VIRMA: variants seen among roughly 807,000 people sequenced by gnomAD.
VIRMA encodes protein virilizer homolog.
In VIRMA, 65 loss-of-function variants were observed where a neutral mutation model predicts 182.4. That is an observed-to-expected ratio of 0.36 (90% CI 0.29 to 0.44). VIRMA has a LOEUF of 0.44. Ranked by LOEUF, VIRMA falls within the 20% of genes least tolerant of loss-of-function variation. The pLI is 1.00. For missense variants in VIRMA, 1,752 were observed against 2,158.1 expected (o/e 0.81, Z 3.73); for synonymous variants, 709 against 743.1 (o/e 0.95, Z 0.75).
intron 15 of VIRMA, among the ~76,000 whole-genome samples, chr8:94,507,689 G>C (rs1814207216): frequency 6.6e-6 from 1 of 151,864 alleles, no homozygotes; most frequent in Non-Finnish European, 1.5e-5. Context: ...AGGAGGCGGA[G>C]GTTGCACTGA....
Position 94,519,189 on chromosome 8 carries a change from C to T in VIRMA, c.2309G>A (p.Cys770Tyr). The T allele has an allele frequency of 6.2e-7, 1 of 1,614,116 alleles. No homozygotes were observed. The highest frequency in any genetic ancestry group is 1.6e-4 in the Middle Eastern group (1 of 6,062). Residue 770 changes from cysteine to tyrosine, a missense_variant, in exon 9 of 24, where the codon TGT becomes TAT. Around this residue, in one of 11 missense-constraint regions of VIRMA, gnomAD observed 45 missense variants for 91.0 expected, o/e 0.49. Transcript: ENST00000297591. The stretch of plus-strand genomic sequence containing the variant: ...AAAATGGCTGAACAGTTCTGTAATA[C>T]ATTGCAATGTCTGTGTTGAGTCCTG... ...WLQDSTQTLQ[C>Y]ITELFSHFQR...
intron 23 of VIRMA, 120 bp downstream of exon 23, chr8:94,489,819 T>C (rs1166134306): frequency 1.8e-6 from 2 of 1,084,400 alleles, no homozygotes; most frequent in East Asian, 2.4e-5. Context: ...TTTTTGACTG[T>C]GTGGAGCAAG....
At chr8:94,540,652 G>A (rs963825154) in intron 2 of VIRMA, among the ~76,000 whole-genome samples, 1 of 151,602 alleles carries the variant, frequency 6.6e-6, no homozygotes, top group African/African-American at 2.4e-5. Flanking sequence ...AGTAGAGGCG[G>A]GGTTTCACTA....
At chr8:94,530,892 C>T (rs1465549401) in intron 6 of VIRMA, 71 bp downstream of exon 6, 2 of 1,525,558 alleles carry the variant, frequency 1.3e-6, no homozygotes, top group Non-Finnish European at 1.8e-6. Context: ...CAGAGTGAGA[C>T]CATCTCAAAA....
Position 94,511,602 on chromosome 8 carries a change from G to T in VIRMA, c.2973C>A (p.Val991=). 2 of 1,614,104 alleles carry T rather than the reference G, an allele frequency of 1.2e-6. No homozygotes were observed. The highest frequency in any genetic ancestry group is 2.2e-5 in the South Asian group (2 of 91,080). ...CTCTGTGAAGGGTAGTCCCCATGTT[G>T]ACATGGAGCCTCCAAGGCTGAGTCA... is the stretch of plus-strand genomic sequence containing the variant. ...SILTQPWRLH[V]NMGTTLHRVT... Residue 991 remains valine, a synonymous_variant, in exon 13 of 24, where the codon GTC becomes GTA. Coordinates refer to ENST00000297591, the MANE Select transcript of VIRMA (RefSeq NM_015496.5).
intron 16 of VIRMA, among the ~76,000 whole-genome samples, chr8:94,505,494 A>G (rs769124300): frequency 6.6e-6 from 1 of 151,496 alleles, no homozygotes; most frequent in Non-Finnish European, 1.5e-5. Flanking sequence ...TTTTTTTGAG[A>G]CAAGGTCTCC....
At chr8:94,502,400 A>T (rs902291096) in intron 16 of VIRMA, among the ~76,000 whole-genome samples, 1 of 151,622 alleles carries the variant, frequency 6.6e-6, no homozygotes, top group African/African-American at 2.4e-5. Flanking sequence ...TCTCAAAAAC[A>T]TATATATAAA....
intron 11 of VIRMA, among the ~76,000 whole-genome samples, chr8:94,513,967 A>G (rs914513287): frequency 1.3e-5 from 2 of 152,250 alleles, no homozygotes; most frequent in African/African-American, 2.4e-5. Flanking sequence ...TCTGAAGCAG[A>G]TAAACCCAAA....
intron 21 of VIRMA, among the ~76,000 whole-genome samples, 195 bp downstream of exon 21, chr8:94,492,457 T>A (rs1004376368): frequency 5.3e-5 from 8 of 150,966 alleles, no homozygotes; most frequent in African/African-American, 2.0e-4. Flanking sequence ...CTAATTTTTT[T>A]TTTTTTATTT....
intron 1 of VIRMA, among the ~76,000 whole-genome samples, chr8:94,552,364 T>C (rs993228917): frequency 2.6e-5 from 4 of 152,226 alleles, no homozygotes; most frequent in Non-Finnish European, 5.9e-5. Context: ...ACATTTTCCA[T>C]TCAAATATTT....
In VIRMA at chr8:94,529,181, C is replaced by G; in HGVS notation, c.769G>C (p.Val257Leu). 7.0e-7 allele frequency: 1 copy of G among 1,426,654 alleles called. No homozygotes were observed. Among genetic ancestry groups the G allele is most frequent in the Non-Finnish European group, 9.9e-7 (1 of 1,009,544 alleles). The allele number at this position is 1,426,654 out of a possible 1,614,324, so 88.4% of individuals were successfully genotyped here. ...EGEEDEDDVD[V>L]EEEEDEDEDD... ...TCATCCTCATCCTCTTCTTCCTCTACATCCACATCATCTTCATCTTCTTCT... is the reference window on the plus strand; with the variant it reads ...TCATCCTCATCCTCTTCTTCCTCTAGATCCACATCATCTTCATCTTCTTCT... The change falls in exon 7 of 24, where the codon GTA (valine) becomes CTA (leucine). Residue 257 changes from valine (V) to leucine (L), a missense_variant. Coordinates refer to ENST00000297591, the MANE Select transcript of VIRMA (RefSeq NM_015496.5).
chr8:94,531,317 T>C (rs1815165347), intron 5 of VIRMA, among the ~76,000 whole-genome samples: 1 of 152,198 alleles, frequency 6.6e-6, no homozygotes, highest in South Asian at 2.1e-4. Context: ...GATTTGTGTA[T>C]ACACAGGCAG....
rs904951092 is a variant in VIRMA at position 94,550,385 on chromosome 8, C to T, written c.63+3000G>A. On this transcript the variant is annotated intron_variant, in intron 1 of 23. Transcript: ENST00000297591. ...TCGGCTCACTGCAAGCTCTGCCTCC[C>T]GGGTTCACGCCATTCTCCGGCCTCA... Among the ~76,000 whole-genome samples the T allele has an allele frequency of 1.1e-4, 16 of 152,022 alleles. No individual in the cohort carries two copies. The South Asian group carries it at 1.5e-3, about 14-fold the overall frequency.
chr8:94,524,573 G>A (rs1352413837), intron 8 of VIRMA, among the ~76,000 whole-genome samples: 1 of 152,108 alleles, frequency 6.6e-6, no homozygotes, highest in Non-Finnish European at 1.5e-5. Context: ...CCAAAGTGCT[G>A]GGATTACAGG....
intron 4 of VIRMA, among the ~76,000 whole-genome samples, chr8:94,535,842 C>G (rs988674496): frequency 4.0e-5 from 6 of 151,318 alleles, no homozygotes; most frequent in Non-Finnish European, 7.4e-5. Flanking sequence ...TGCAAAGAAA[C>G]TTTCTCCTAA....
chr8:94,521,218 T>G (rs938846405), intron 8 of VIRMA, among the ~76,000 whole-genome samples: 1 of 152,074 alleles, frequency 6.6e-6, no homozygotes, highest in Non-Finnish European at 1.5e-5. Context: ...CTGTTCTCCT[T>G]CAACAGGCCC....
rs1328744267 is a variant in VIRMA at position 94,492,820 on chromosome 8, T to C, written c.4642-2A>G. The C allele has an allele frequency of 1.0e-5, 16 of 1,606,914 alleles. No homozygotes were observed. Among genetic ancestry groups the C allele is most frequent in the Non-Finnish European group, 1.2e-5 (14 of 1,175,164 alleles). On this transcript the variant is annotated splice_acceptor_variant, in intron 20 of 23. Transcript: ENST00000297591. LOFTEE classifies it high-confidence loss of function. ...GAGTTCAATTAAGTCAACCTTTACC[T>C]GCAGTCATAATAATGAAACAAAACA...
intron 6 of VIRMA, among the ~76,000 whole-genome samples, chr8:94,530,171 G>A (rs1815116098): frequency 6.6e-6 from 1 of 152,070 alleles, no homozygotes; most frequent in South Asian, 2.1e-4. Flanking sequence ...AGCTTCAAAT[G>A]AATTAACAAA....
Position 94,509,906 on chromosome 8 carries a change from G to C in VIRMA, c.3661C>G (p.Gln1221Glu), listed in dbSNP as rs1186823533. 1.2e-6 allele frequency: 2 copies of C among 1,613,080 alleles called. No individual in the cohort carries two copies. The highest frequency in any genetic ancestry group is 1.7e-6 in the Non-Finnish European group (2 of 1,179,716). ...SEDKEKQYTS[Q>E]TTRLLALLDA... is the part of the protein sequence containing the mutation. ...AGAAGAGCAAGCAACCTGGTGGTTT[G>C]GCTAGTATACTGTTTTTCTTTATCT... is the stretch of plus-strand genomic sequence containing the variant. Residue 1221 changes from glutamine to glutamate, a missense_variant, in exon 15 of 24, where the codon CAA (glutamine) becomes GAA (glutamate). By Grantham distance (29) the Gln-to-Glu change is conservative. Transcript: ENST00000297591.
Sources: allele counts gnomAD v4.1 joint callset (sites outside exome capture counted in the v4.1 genomes callset), GRCh38; gene constraint gnomAD v4.1.1; regional missense constraint gnomAD v4.1.1; transcripts MANE v1.5; gene names NCBI Gene and HGNC (gene_info 2026-07-23, HGNC 2026-07-21).